Variants in STOM observed in about 807,000 individuals in gnomAD.
STOM encodes the protein erythrocyte band 7 integral membrane protein.
A neutral mutation model predicts 30.6 loss-of-function variants in STOM; 25 were observed. The ratio of observed to expected loss-of-function variants is 0.82; its 90% CI spans 0.60 to 1.14. STOM has a LOEUF of 1.14. Ranked by LOEUF, STOM falls within the 50% of genes most tolerant of loss-of-function variation. The pLI is 0.00. For synonymous variants in STOM, 118 were observed against 130.8 expected (o/e 0.90, Z 0.67); for missense variants, 292 against 365.2 (o/e 0.80, Z 1.63).
intron 5 of STOM, 37 bp downstream of exon 5, chr9:121,349,083 A>T: frequency 6.2e-7 from 1 of 1,600,742 alleles, no homozygotes; most frequent in Non-Finnish European, 8.6e-7. Context: ...TTCATTTTTC[A>T]GCTTCTGGGG....
At chr9:121,355,116 G>A (rs575520930) in intron 2 of STOM, among the ~76,000 whole-genome samples, 1 of 151,442 alleles carries the variant, frequency 6.6e-6, no homozygotes, top group East Asian at 1.9e-4. Flanking sequence ...AAAATTATCC[G>A]GGTATGGTGG....
intron 1 of STOM, among the ~76,000 whole-genome samples, chr9:121,367,065 C>A (rs1303099517): frequency 6.6e-6 from 1 of 151,928 alleles, no homozygotes; most frequent in Non-Finnish European, 1.5e-5. Context: ...AGAGCAAGAC[C>A]CGGTCTCAAA....
intron 4 of STOM, among the ~76,000 whole-genome samples, chr9:121,350,129 T>G (rs984884001): frequency 6.6e-6 from 1 of 152,238 alleles, no homozygotes; most frequent in Non-Finnish European, 1.5e-5. Flanking sequence ...AAACACTGAC[T>G]TGATTAACTG....
intron 1 of STOM, among the ~76,000 whole-genome samples, chr9:121,356,518 T>C (rs1320210331): frequency 1.3e-5 from 2 of 152,194 alleles, no homozygotes; most frequent in Non-Finnish European, 2.9e-5. Flanking sequence ...ATAATTATAA[T>C]ATTAGGTGGT....
intron 1 of STOM, among the ~76,000 whole-genome samples, chr9:121,365,360 C>T (rs919166152): frequency 6.6e-6 from 1 of 151,906 alleles, no homozygotes; most frequent in African/African-American, 2.4e-5. Flanking sequence ...AGCACCAAAA[C>T]ATTTATGTTC....
intron 4 of STOM, 41 bp from the exon 5 acceptor site, chr9:121,349,364 T>G: frequency 6.4e-7 from 1 of 1,564,816 alleles, no homozygotes; most frequent in Non-Finnish European, 8.8e-7. Context: ...GTCAACGACT[T>G]TTTTTTAACA....
At chr9:121,356,235 G>A in intron 1 of STOM, 79 bp from the exon 2 acceptor site, 1 of 1,191,838 alleles carries the variant, frequency 8.4e-7, no homozygotes, top group Non-Finnish European at 1.2e-6. Flanking sequence ...ACCATTCGCT[G>A]AATACCTATG....
At chr9:121,366,013 G>T in intron 1 of STOM, 1 of 638,548 alleles carries the variant, frequency 1.6e-6, no homozygotes, top group Non-Finnish European at 1.9e-6. Flanking sequence ...AATGTTCTTG[G>T]ACCATCCTTC....
chr9:121,357,869 A>T (rs367814967), intron 1 of STOM, among the ~76,000 whole-genome samples: 2 of 152,222 alleles, frequency 1.3e-5, no homozygotes. Flanking sequence ...TTACACTTGC[A>T]TAAAGTTTAA....
At chr9:121,366,045 G>T in intron 1 of STOM, 1 of 847,798 alleles carries the variant, frequency 1.2e-6, no homozygotes. Context: ...TTAAGTGATG[G>T]TAGGGTGATC....
intron 5 of STOM, among the ~76,000 whole-genome samples, chr9:121,348,844 T>C (rs891657272): frequency 5.9e-5 from 9 of 152,190 alleles, no homozygotes; most frequent in African/African-American, 2.2e-4. Context: ...TCTTGCAGAA[T>C]AGCCTCTGTT....
chr9:121,357,424 G>GATATTGATATATATATATATATAT (rs1554831050), intron 1 of STOM, among the ~76,000 whole-genome samples: 2 of 95,416 alleles, frequency 2.1e-5, no homozygotes, highest in African/African-American at 6.4e-5. Flanking sequence ...ATTTTTAAAT[G>GATATTGATATATATATATATATAT]ATATATATAT....
At chr9:121,369,777 T>G in intron 1 of STOM, 1 of 284,356 alleles carries the variant, frequency 3.5e-6, no homozygotes, top group Non-Finnish European at 6.6e-6. Flanking sequence ...AGATGTGGGG[T>G]CCCGGTCCCC....
intron 2 of STOM, among the ~76,000 whole-genome samples, chr9:121,355,617 T>C (rs977975220): frequency 1.3e-5 from 2 of 152,224 alleles, no homozygotes; most frequent in African/African-American, 4.8e-5. Flanking sequence ...GGCATTGTGA[T>C]AAGTACATTT....
At chr9:121,354,765 T>A in intron 2 of STOM, 92 bp from the exon 3 acceptor site, 1 of 882,122 alleles carries the variant, frequency 1.1e-6, no homozygotes, top group East Asian at 2.9e-5. Flanking sequence ...TCTAAACAGA[T>A]TAGATGCCTC....
intron 4 of STOM, among the ~76,000 whole-genome samples, chr9:121,351,392 A>G (rs2064338003): frequency 1.3e-5 from 2 of 152,208 alleles, no homozygotes; most frequent in Non-Finnish European, 2.9e-5. Context: ...GTCTGACCCC[A>G]CCCACTTCTT....
intron 6 of STOM, among the ~76,000 whole-genome samples, chr9:121,342,585 G>GA (rs1478749843): frequency 6.6e-6 from 1 of 151,902 alleles, no homozygotes; most frequent in South Asian, 2.1e-4. Flanking sequence ...AGAAGAAGAA[G>GA]AAAAAAACAA....
Position 121,341,026 on chromosome 9 carries a change from C to T in STOM, c.*176G>A, listed in dbSNP as rs2064241596. On this transcript the variant is annotated 3_prime_UTR_variant, in exon 7 of 7. Transcript: ENST00000286713. The stretch of plus-strand genomic sequence containing the variant: ...CTAACAGATTACCTTATATAAATCA[C>T]CAATCTCTCAGTATTTACAAGCTAA... 1.4e-6 allele frequency: 2 copies of T among 1,437,368 alleles called. No homozygotes were observed. Among genetic ancestry groups the T allele is most frequent in the African/African-American group, 1.4e-5 (1 of 69,772 alleles). 89.0% of individuals were successfully genotyped at this position (1,437,368 alleles called of 1,614,324 possible).
In STOM at chr9:121,340,982, AC is replaced by A; in HGVS notation, c.*219del. The A allele has an allele frequency of 1.4e-6, 2 of 1,393,604 alleles. No individual in the cohort carries two copies. The highest frequency in any genetic ancestry group is 1.9e-6 in the Non-Finnish European group (2 of 1,075,616). 86.3% of individuals were successfully genotyped at this position (1,393,604 alleles called of 1,614,324 possible). A position where few individuals can be genotyped will look rare whatever the true frequency, so the allele number is the denominator to read the frequency against. Reference sequence around the variant, plus strand: ...ACTACATAATAATCTAAAAATACAAACTTTTAACTATTTTAAGACTAACAGA... The same window carrying A: ...ACTACATAATAATCTAAAAATACAAATTTTAACTATTTTAAGACTAACAGA... On this transcript the variant is annotated 3_prime_UTR_variant, in exon 7 of 7. Coordinates refer to ENST00000286713, the MANE Select transcript of STOM (RefSeq NM_004099.6).
Sources: gnomAD v4.1 joint callset for allele counts (sites outside exome capture counted in the v4.1 genomes callset) on GRCh38, gnomAD v4.1.1 for gene constraint, MANE v1.5 for transcripts, NCBI Gene and HGNC (gene_info 2026-07-23, HGNC 2026-07-21) for gene names.